KDM6A: variants seen among roughly 807,000 people sequenced by gnomAD.
KDM6A encodes lysine-specific demethylase 6A.
In KDM6A, 11 loss-of-function variants were observed where a neutral mutation model predicts 117.6. The ratio of observed to expected loss-of-function variants is 0.09; its 90% CI spans 0.06 to 0.15. The LOEUF (loss-of-function observed/expected upper bound fraction) is 0.15. Ranked by LOEUF, KDM6A falls within the 10% of genes least tolerant of loss-of-function variation. The probability of loss-of-function intolerance (pLI) is 1.00; values close to 1 mark genes in which losing one functional copy is unlikely to be tolerated. For synonymous variants in KDM6A, 384 were observed against 396.1 expected (o/e 0.97, Z 0.36); for missense variants, 799 against 1,077.3 (o/e 0.74, Z 3.62).
intron 2 of KDM6A, among the ~76,000 whole-genome samples, chrX:44,879,337 A>G (rs755296493): frequency 6.2e-5 from 7 of 112,136 alleles, no homozygotes; most frequent in Non-Finnish European, 9.4e-5. Flanking sequence ...TTATCTAGAG[A>G]GCTAATTTAT....
Position 44,932,209 on chromosome X carries a change from C to T in KDM6A, c.226-29075C>T, listed in dbSNP as rs770701143. On this transcript the variant is annotated intron_variant, in intron 2 of 29. Coordinates refer to ENST00000611820, the MANE Select transcript of KDM6A (RefSeq NM_001291415.2). ...TCCCAGGTTTAAGCAATCCTCCTGC[C>T]TCAGCCTCCCAAGTAGCTAAGACTA... 4.0e-4 allele frequency among the ~76,000 whole-genome samples: 41 copies of T among 103,420 alleles called. No homozygotes were observed. The East Asian group carries it at 0.012, about 31-fold the overall frequency. The allele number at this position is 103,420 out of a possible 115,157, so 89.8% of individuals were successfully genotyped here. A position where few individuals can be genotyped will look rare whatever the true frequency, so the allele number is the denominator to read the frequency against.
chrX:44,982,876 G>A (rs2039981621), intron 4 of KDM6A, among the ~76,000 whole-genome samples: 1 of 111,584 alleles, frequency 9.0e-6, no homozygotes, highest in Non-Finnish European at 1.9e-5. Flanking sequence ...AGAACTCAAG[G>A]TTCTTCTAAT....
intron 18 of KDM6A, among the ~76,000 whole-genome samples, chrX:45,071,830 C>T (rs1042227203): frequency 3.6e-5 from 4 of 110,183 alleles, no homozygotes; most frequent in Non-Finnish European, 7.6e-5. Flanking sequence ...AGTGCAATGG[C>T]GCGATTTCAA....
chrX:45,016,132 A>G (rs1247446176), intron 5 of KDM6A, among the ~76,000 whole-genome samples: 1 of 111,484 alleles, frequency 9.0e-6, no homozygotes. Flanking sequence ...GTGTATTAAC[A>G]TTTCCCTGAA....
chrX:45,061,149 G>A (rs1276919956), intron 14 of KDM6A, among the ~76,000 whole-genome samples, 175 bp from the exon 15 acceptor site: 1 of 111,075 alleles, frequency 9.0e-6, no homozygotes, highest in Non-Finnish European at 1.9e-5. Context: ...TTAAATGTAT[G>A]ATTTCTAAGT....
chrX:45,001,825 C>T (rs1481826434), intron 4 of KDM6A, among the ~76,000 whole-genome samples: 2 of 111,090 alleles, frequency 1.8e-5, no homozygotes, highest in African/African-American at 6.6e-5. Context: ...CCCCCTTCCG[C>T]TGTAGGAACA....
intron 3 of KDM6A, among the ~76,000 whole-genome samples, chrX:44,974,392 C>T (rs940977143): frequency 9.0e-6 from 1 of 111,267 alleles, no homozygotes; most frequent in African/African-American, 3.3e-5. Context: ...CTTTTTATAT[C>T]TAACTCTCTT....
At chrX:45,043,231 A>G (rs1365453364) in intron 8 of KDM6A, among the ~76,000 whole-genome samples, 1 of 111,470 alleles carries the variant, frequency 9.0e-6, no homozygotes, top group Non-Finnish European at 1.9e-5. Flanking sequence ...TGGAAGTTGC[A>G]GGGATCTGAG....
chrX:44,920,476 T>C (rs1187487495), intron 2 of KDM6A, among the ~76,000 whole-genome samples: 1 of 110,153 alleles, frequency 9.1e-6, no homozygotes, highest in African/African-American at 3.3e-5. Flanking sequence ...TCTCGCTCTG[T>C]CGCCCAGGCT....
intron 2 of KDM6A, among the ~76,000 whole-genome samples, chrX:44,907,495 T>A (rs1371874446): frequency 9.7e-6 from 1 of 102,781 alleles, no homozygotes; most frequent in Non-Finnish European, 2.0e-5. Flanking sequence ...TTTTTTTTTT[T>A]TCTGAGACAG....
intron 2 of KDM6A, among the ~76,000 whole-genome samples, chrX:44,951,260 T>G (rs988069139): frequency 1.8e-5 from 2 of 111,701 alleles, no homozygotes; most frequent in Non-Finnish European, 3.8e-5. Flanking sequence ...TTGAGCGTTA[T>G]TCCTAACATT....
chrX:44,947,328 T>C (rs1354145212), intron 2 of KDM6A, among the ~76,000 whole-genome samples: 1 of 110,742 alleles, frequency 9.0e-6, no homozygotes, highest in African/African-American at 3.3e-5. Flanking sequence ...TAAATTCTCG[T>C]CTGAAGTTTG....
intron 2 of KDM6A, among the ~76,000 whole-genome samples, chrX:44,912,426 C>T (rs958095176): frequency 1.8e-5 from 2 of 111,910 alleles, no homozygotes; most frequent in African/African-American, 6.5e-5. Context: ...TTAGAATTTT[C>T]TTTTCCAATC....
At chrX:45,108,138 C>A (rs961778870) in intron 28 of KDM6A, among the ~76,000 whole-genome samples, 17 of 111,415 alleles carry the variant, frequency 1.5e-4, no homozygotes. Context: ...TAAGAACTCA[C>A]AAACGTATTA....
chrX:45,074,545 A>T (rs1188100696), intron 18 of KDM6A, among the ~76,000 whole-genome samples: 1 of 112,087 alleles, frequency 8.9e-6, no homozygotes, highest in African/African-American at 3.2e-5. Flanking sequence ...GCAGGTAGTC[A>T]GCATTTCAAA....
At chrX:44,980,054 T>G (rs1367873219) in intron 4 of KDM6A, among the ~76,000 whole-genome samples, 1 of 103,565 alleles carries the variant, frequency 9.7e-6, no homozygotes, top group African/African-American at 3.5e-5. Context: ...TGGAGTGCAG[T>G]GGCACGATCT....
intron 2 of KDM6A, among the ~76,000 whole-genome samples, chrX:44,919,881 A>G (rs1313684521): frequency 9.0e-6 from 1 of 111,618 alleles, no homozygotes; most frequent in African/African-American, 3.3e-5. Flanking sequence ...AAGTGCTGGG[A>G]TTACAGGCGT....
At chrX:45,027,954 C>T (rs991402396) in intron 6 of KDM6A, among the ~76,000 whole-genome samples, 21 of 110,199 alleles carry the variant, frequency 1.9e-4, no homozygotes, top group African/African-American at 5.6e-4. Context: ...CCACCACGCC[C>T]GGCTAATTTT....
intron 8 of KDM6A, among the ~76,000 whole-genome samples, chrX:45,040,452 C>T (rs1438201073): frequency 8.8e-5 from 5 of 56,742 alleles, no homozygotes; most frequent in Admixed American, 1.9e-4. Flanking sequence ...GGGGGCTGAC[C>T]CCCCCCACCT....
Sources: allele counts gnomAD v4.1 joint callset (sites outside exome capture counted in the v4.1 genomes callset), GRCh38; gene constraint gnomAD v4.1.1; transcripts MANE v1.5; gene names NCBI Gene and HGNC (gene_info 2026-07-23, HGNC 2026-07-21).